The following TMPRSS11A variants were observed in gnomAD, a reference collection of about 807,000 sequenced individuals.
TMPRSS11A encodes the protein transmembrane protease serine 11A.
A neutral mutation model predicts 58.9 loss-of-function variants in TMPRSS11A; 53 were observed. The observed-to-expected ratio is 0.90, with a 90% CI of 0.72 to 1.13. The LOEUF is 1.13. TMPRSS11A is among the 50% of genes most tolerant of loss of function. The pLI, the probability that TMPRSS11A is intolerant of heterozygous loss-of-function variation, is 0.00. For missense variants in TMPRSS11A, 493 were observed against 499.3 expected (o/e 0.99, Z 0.12); for synonymous variants, 167 against 169.8 (o/e 0.98, Z 0.13).
chr4:67,958,224 A>C (rs1392608569), intron 1 of TMPRSS11A, among the ~76,000 whole-genome samples: 1 of 152,104 alleles, frequency 6.6e-6, no homozygotes, highest in African/African-American at 2.4e-5. Flanking sequence ...TAAGAAGAGA[A>C]CCACCGTCCT....
chr4:67,924,567 T>G (rs1720416408), intron 5 of TMPRSS11A, among the ~76,000 whole-genome samples: 1 of 152,220 alleles, frequency 6.6e-6, no homozygotes, highest in Admixed American at 6.5e-5. Flanking sequence ...AAGACATATC[T>G]GAGACTGGGT....
intron 3 of TMPRSS11A, among the ~76,000 whole-genome samples, chr4:67,939,974 C>A (rs1720841683): frequency 6.6e-6 from 1 of 152,164 alleles, no homozygotes; most frequent in Admixed American, 6.5e-5. Flanking sequence ...CAAGTGTGAG[C>A]CACCATGCCT....
At chr4:67,933,973 C>A (rs1269419401) in intron 3 of TMPRSS11A, among the ~76,000 whole-genome samples, 1 of 152,042 alleles carries the variant, frequency 6.6e-6, no homozygotes, top group Non-Finnish European at 1.5e-5. Context: ...AATCTGGCAC[C>A]GTGCCTGCTA....
At chr4:67,939,386 C>T (rs528742819) in intron 3 of TMPRSS11A, among the ~76,000 whole-genome samples, 3 of 152,226 alleles carry the variant, frequency 2.0e-5, no homozygotes, top group East Asian at 1.9e-4. Flanking sequence ...TTCCTCTTTT[C>T]GTATTTGGAT....
chr4:67,932,161 A>G (rs1720642797), intron 3 of TMPRSS11A, 101 bp from the exon 4 acceptor site: 1 of 605,102 alleles, frequency 1.7e-6, no homozygotes, highest in Non-Finnish European at 2.9e-6. Context: ...TTTTCACAGA[A>G]CTAACATCAT....
intron 5 of TMPRSS11A, among the ~76,000 whole-genome samples, chr4:67,924,652 G>A (rs936726196): frequency 2.0e-5 from 3 of 152,202 alleles, no homozygotes; most frequent in Non-Finnish European, 1.5e-5. Context: ...CATGGAGGAA[G>A]GCAAAAGGCA....
Position 67,909,995 on chromosome 4 carries a change from A to G in TMPRSS11A, c.*1347T>C, listed in dbSNP as rs532242038. 4 of 152,036 alleles carry G rather than the reference A, an allele frequency of 2.6e-5. No homozygotes were observed. Among genetic ancestry groups the G allele is most frequent in the Non-Finnish European group, 5.9e-5 (4 of 67,936 alleles). The allele number at this position is 152,036 out of a possible 1,614,324, so 9.4% of individuals were successfully genotyped here. On this transcript the variant is annotated 3_prime_UTR_variant, in exon 10 of 10. Transcript: ENST00000508048. ...ATTATAAAGCAAGTTCATCGTTCCA[A>G]TGATTTGTCTTATATTTGGGCTAAA...
intron 1 of TMPRSS11A, among the ~76,000 whole-genome samples, chr4:67,950,644 A>G (rs1721132568): frequency 6.6e-6 from 1 of 152,242 alleles, no homozygotes; most frequent in African/African-American, 2.4e-5. Flanking sequence ...TCTGCCTACC[A>G]TAACTGAAAA....
intron 4 of TMPRSS11A, 123 bp downstream of exon 4, chr4:67,931,870 T>A (rs1720632642): frequency 3.1e-6 from 2 of 637,148 alleles, no homozygotes; most frequent in South Asian, 2.3e-5. Context: ...TTAAAGGTAA[T>A]GTTTATGAAA....
At chr4:67,958,948 C>A (rs1460795562) in intron 1 of TMPRSS11A, among the ~76,000 whole-genome samples, 1 of 152,138 alleles carries the variant, frequency 6.6e-6, no homozygotes, top group East Asian at 1.9e-4. Context: ...TCTTGTCTGC[C>A]ACTGTGTAAG....
At position 67,918,976 on chromosome 4, in the gene TMPRSS11A, C is replaced by A. The variant is rs756635658; in HGVS notation, c.949G>T (p.Gly317Cys). The A allele has an allele frequency of 1.2e-6, 2 of 1,614,088 alleles. No individual in the cohort carries two copies. The highest frequency in any genetic ancestry group is 4.5e-5 in the East Asian group (2 of 44,876). ...HITGFGALYY[G>C]GESQNDLREA... is the part of the protein sequence containing the mutation. ...TTAGCTATCCTGAGATACCCACCAC[C>A]ATAGTAAAGTGCTCCAAATCCTGTG... is the stretch of plus-strand genomic sequence containing the variant. Residue 317 changes from glycine (G) to cysteine (C), a missense_variant, in exon 8 of 10, where the codon GGT (glycine) becomes TGT (cysteine). Physicochemically the swap from Gly to Cys is radical, Grantham distance 159. Coordinates refer to ENST00000508048, the MANE Select transcript of TMPRSS11A (RefSeq NM_001114387.2).
At chr4:67,928,901 T>A (rs1048283170) in intron 5 of TMPRSS11A, among the ~76,000 whole-genome samples, 1 of 152,232 alleles carries the variant, frequency 6.6e-6, no homozygotes, top group East Asian at 1.9e-4. Context: ...GAGAAATCTA[T>A]ACTTGTCTGT....
intron 5 of TMPRSS11A, among the ~76,000 whole-genome samples, chr4:67,925,767 T>C (rs1431706314): frequency 6.6e-6 from 1 of 152,202 alleles, no homozygotes; most frequent in Non-Finnish European, 1.5e-5. Flanking sequence ...TAGCATAAAG[T>C]TAGAATTCTT....
intron 1 of TMPRSS11A, among the ~76,000 whole-genome samples, chr4:67,947,803 T>C: frequency 6.6e-6 from 1 of 152,182 alleles, no homozygotes; most frequent in East Asian, 1.9e-4. Flanking sequence ...ATTAGCCTTG[T>C]TCATCTTTTT....
At chr4:67,951,979 G>A (rs537498968) in intron 1 of TMPRSS11A, among the ~76,000 whole-genome samples, 1 of 152,260 alleles carries the variant, frequency 6.6e-6, no homozygotes, top group East Asian at 1.9e-4. Flanking sequence ...TTTTCTACAA[G>A]GAAAGCAACC....
intron 1 of TMPRSS11A, among the ~76,000 whole-genome samples, chr4:67,961,247 A>G (rs1194537559): frequency 6.6e-6 from 1 of 152,170 alleles, no homozygotes; most frequent in Non-Finnish European, 1.5e-5. Context: ...TGACTGTAGA[A>G]CATATTGTAG....
intron 1 of TMPRSS11A, among the ~76,000 whole-genome samples, chr4:67,950,219 A>G (rs1721124924): frequency 6.6e-6 from 1 of 152,180 alleles, no homozygotes; most frequent in African/African-American, 2.4e-5. Flanking sequence ...GAAATTTGTG[A>G]TCCTCTTCCA....
intron 1 of TMPRSS11A, among the ~76,000 whole-genome samples, chr4:67,956,337 T>C (rs1431508932): frequency 6.6e-6 from 1 of 152,190 alleles, no homozygotes; most frequent in East Asian, 1.9e-4. Context: ...TTCAAAGCCA[T>C]CTGTTCTGTT....
At chr4:67,922,719 G>C in intron 7 of TMPRSS11A, 36 bp downstream of exon 7, 1 of 1,572,636 alleles carries the variant, frequency 6.4e-7, no homozygotes, top group Admixed American at 1.7e-5. Context: ...GGGCTTTTTA[G>C]CAGAAGTGGG....
Sources: allele counts gnomAD v4.1 joint callset (sites outside exome capture counted in the v4.1 genomes callset), GRCh38; gene constraint gnomAD v4.1.1; transcripts MANE v1.5; gene names NCBI Gene and HGNC (gene_info 2026-07-23, HGNC 2026-07-21).